The following GBE1 variants were observed in gnomAD, a reference collection of about 807,000 sequenced individuals.
GBE1 encodes 1,4-alpha-glucan-branching enzyme.
In GBE1, 70 loss-of-function variants were observed where a neutral mutation model predicts 88.8. The ratio of observed to expected loss-of-function variants is 0.79; its 90% CI spans 0.65 to 0.96. The LOEUF (loss-of-function observed/expected upper bound fraction) is 0.96. Ranked by LOEUF, GBE1 falls within the 40% of genes least tolerant of loss-of-function variation. GBE1 has a pLI of 0.00. For missense variants in GBE1, 872 were observed against 871.0 expected (o/e 1.00, Z -0.01); for synonymous variants, 284 against 300.1 (o/e 0.95, Z 0.56).
At chr3:81,704,689 C>A (rs988326187) in intron 2 of GBE1, among the ~76,000 whole-genome samples, 6 of 152,074 alleles carry the variant, frequency 3.9e-5, no homozygotes, top group African/African-American at 1.4e-4. Context: ...TATCAAGAAC[C>A]TTTACCAAGG....
intron 5 of GBE1, among the ~76,000 whole-genome samples, chr3:81,648,464 G>T (rs967217325): frequency 3.3e-5 from 5 of 152,020 alleles, no homozygotes; most frequent in Non-Finnish European, 7.4e-5. Context: ...GATACAAAAT[G>T]AGTTCCGGTC....
At chr3:81,620,549 A>G (rs1704313098) in intron 7 of GBE1, among the ~76,000 whole-genome samples, 1 of 152,150 alleles carries the variant, frequency 6.6e-6, no homozygotes, top group Admixed American at 6.6e-5. Flanking sequence ...TTTATTTTAG[A>G]AAGTATTCTA....
rs1576180236 is a variant in GBE1 at position 81,637,358 on chromosome 3, G to A, written c.992+5423C>T. ...TTCCATTTAATATTTTCAAGCTAAA[G>A]TACTATGAGTAACTGAAATCACAGA... is the stretch of plus-strand genomic sequence containing the variant. On this transcript the variant is annotated intron_variant, in intron 7 of 15. Coordinates refer to ENST00000429644, the MANE Select transcript of GBE1 (RefSeq NM_000158.4). 2.0e-5 allele frequency among the ~76,000 whole-genome samples: 3 copies of A among 152,202 alleles called. No homozygotes were observed. In the South Asian group the frequency reaches 6.2e-4, roughly 32 times the overall value.
At chr3:81,713,936 A>C (rs2107180383) in intron 1 of GBE1, among the ~76,000 whole-genome samples, 1 of 152,300 alleles carries the variant, frequency 6.6e-6, no homozygotes, top group Non-Finnish European at 1.5e-5. Flanking sequence ...GTCACTGAGA[A>C]TATAGAGATA....
chr3:81,492,095 C>T (rs955043121), intron 15 of GBE1, among the ~76,000 whole-genome samples: 4 of 152,218 alleles, frequency 2.6e-5, no homozygotes, highest in African/African-American at 9.6e-5. Context: ...CCAGCAGTCG[C>T]TGTGTAACTC....
chr3:81,718,541 G>A (rs1198608029), intron 1 of GBE1, among the ~76,000 whole-genome samples: 1 of 152,156 alleles, frequency 6.6e-6, no homozygotes, highest in African/African-American at 2.4e-5. Flanking sequence ...GCTAGTCTGT[G>A]TGTGAAGCTG....
At position 81,527,893 on chromosome 3, in the gene GBE1, T is replaced by C. The variant is rs543160317; in HGVS notation, c.1934+7302A>G. ...TATATACCCAAAGGATTATAAATCA[T>C]GCCGCTATAAAGACACATGCACACG... On this transcript the variant is annotated intron_variant, in intron 14 of 15. Coordinates refer to ENST00000429644, the MANE Select transcript of GBE1 (RefSeq NM_000158.4). Among the ~76,000 whole-genome samples the C allele has an allele frequency of 3.8e-4, 58 of 152,160 alleles. 2 individuals carry two copies. The highest frequency in any genetic ancestry group is 3.6e-3 in the Admixed American group (55 of 15,284).
At chr3:81,665,740 C>A (rs1445558393) in intron 3 of GBE1, among the ~76,000 whole-genome samples, 1 of 152,068 alleles carries the variant, frequency 6.6e-6, no homozygotes, top group African/African-American at 2.4e-5. Context: ...AAACCACATC[C>A]CGCAAAACAC....
chr3:81,530,278 T>G (rs1332427002), intron 14 of GBE1, among the ~76,000 whole-genome samples: 1 of 151,990 alleles, frequency 6.6e-6, no homozygotes, highest in Non-Finnish European at 1.5e-5. Flanking sequence ...TCATTTTTTT[T>G]TTTTTCTGTC....
At chr3:81,566,949 A>G (rs1351364588) in intron 12 of GBE1, among the ~76,000 whole-genome samples, 1 of 152,172 alleles carries the variant, frequency 6.6e-6, no homozygotes, top group Non-Finnish European at 1.5e-5. Context: ...ACATGTTCTT[A>G]TATTTCATAA....
At position 81,751,675 on chromosome 3, in the gene GBE1, A is replaced by T. The variant is rs563704888; in HGVS notation, c.143+9700T>A. 2.6e-5 allele frequency among the ~76,000 whole-genome samples: 4 copies of T among 152,348 alleles called. No homozygotes were observed. In the East Asian group the frequency reaches 7.7e-4, roughly 29 times the overall value. ...ATAAAGAAGGATGTATTTAAGCTAA[A>T]GCCCAAACCACTGACCTTCGCTTTT... On this transcript the variant is annotated intron_variant, in intron 1 of 15. Coordinates refer to ENST00000429644, the MANE Select transcript of GBE1 (RefSeq NM_000158.4).
chr3:81,662,413 G>A (rs1354960954), intron 3 of GBE1, among the ~76,000 whole-genome samples: 2 of 151,968 alleles, frequency 1.3e-5, no homozygotes, highest in Admixed American at 6.6e-5. Flanking sequence ...AATCATTGAA[G>A]GCTTCCATGC....
intron 1 of GBE1, among the ~76,000 whole-genome samples, chr3:81,760,771 T>A (rs942705513): frequency 2.0e-5 from 3 of 152,218 alleles, no homozygotes; most frequent in African/African-American, 4.8e-5. Context: ...CGGACAAATG[T>A]TGATGTACAT....
Position 81,519,120 on chromosome 3 carries a change from T to C in GBE1, c.1934+16075A>G, listed in dbSNP as rs115775416. Among the ~76,000 whole-genome samples, 102 of 151,754 alleles carry C rather than the reference T, an allele frequency of 6.7e-4. 1 individual carries two copies. The Middle Eastern group carries it at 0.02, about 30-fold the overall frequency. The stretch of plus-strand genomic sequence containing the variant: ...CATCACCACACTTCAAAGCCTTCTG[T>C]AAACCAAGCAACTCATAGCAACATC... On this transcript the variant is annotated intron_variant, in intron 14 of 15. Transcript: ENST00000429644.
chr3:81,639,172 T>C (rs1468756552), intron 7 of GBE1, among the ~76,000 whole-genome samples: 1 of 152,066 alleles, frequency 6.6e-6, no homozygotes, highest in Non-Finnish European at 1.5e-5. Context: ...AAGTGAAGGA[T>C]TGGGTTATGT....
chr3:81,646,767 G>A (rs777245489), intron 5 of GBE1, among the ~76,000 whole-genome samples: 6 of 151,868 alleles, frequency 4.0e-5, no homozygotes, highest in Admixed American at 2.0e-4. Context: ...TATTAAAAAC[G>A]GCAATCTCCA....
intron 2 of GBE1, among the ~76,000 whole-genome samples, chr3:81,682,878 ATGT>A (rs751709728): frequency 3.0e-4 from 46 of 152,252 alleles, no homozygotes; most frequent in Admixed American, 2.3e-3. Flanking sequence ...AATAAACAAA[ATGT>A]TGTATATTAA....
intron 14 of GBE1, among the ~76,000 whole-genome samples, chr3:81,522,404 G>A (rs886220156): frequency 1.3e-5 from 2 of 151,480 alleles, no homozygotes; most frequent in African/African-American, 4.8e-5. Context: ...CACTGAACTG[G>A]GAGGGTGGAG....
rs2107074878 is a variant in GBE1, at chr3:81,649,880, AATACG to A, written c.466_470del (p.Arg156PhefsTer10). 4.3e-6 allele frequency: 7 copies of A among 1,610,588 alleles called. No homozygotes were observed. The highest frequency in any genetic ancestry group is 5.9e-6 in the Non-Finnish European group (7 of 1,177,226). On this transcript the variant is annotated frameshift_variant, in exon 4 of 16. Coordinates refer to ENST00000429644, the MANE Select transcript of GBE1 (RefSeq NM_000158.4). LOFTEE classifies it high-confidence loss of function. Reference sequence around the variant, plus strand: ...GAACCACATACTTTGCCCACGGTGAAATACGATACAAGATCTCTCCGCTTTTACTA... The same window carrying A: ...GAACCACATACTTTGCCCACGGTGAAATACAAGATCTCTCCGCTTTTACTA...
Sources: gnomAD v4.1 joint callset for allele counts (sites outside exome capture counted in the v4.1 genomes callset) on GRCh38, gnomAD v4.1.1 for gene constraint, MANE v1.5 for transcripts, NCBI Gene and HGNC (gene_info 2026-07-23, HGNC 2026-07-21) for gene names.